The following CFTR variants were observed in gnomAD, a reference collection of about 807,000 sequenced individuals.
CFTR encodes the protein CF transmembrane conductance regulator.
A neutral mutation model predicts 171.6 loss-of-function variants in CFTR; 181 were observed. The ratio of observed to expected loss-of-function variants is 1.05; its 90% CI spans 0.93 to 1.19. The LOEUF (loss-of-function observed/expected upper bound fraction) is 1.19. CFTR is among the 50% of genes most tolerant of loss of function. The pLI, the probability that CFTR is intolerant of heterozygous loss-of-function variation, is 0.00. For synonymous variants in CFTR, 583 were observed against 608.0 expected (o/e 0.96, Z 0.60); for missense variants, 1,968 against 1,734.7 (o/e 1.13, Z -2.39).
chr7:117,492,409 T>A (rs1798174220), intron 1 of CFTR, among the ~76,000 whole-genome samples: 1 of 151,984 alleles, frequency 6.6e-6, no homozygotes, highest in African/African-American at 2.4e-5. Flanking sequence ...CAATACCTAT[T>A]TGCAATCAGT....
chr7:117,497,647 A>G (rs914830819), intron 1 of CFTR, among the ~76,000 whole-genome samples: 2 of 152,152 alleles, frequency 1.3e-5, no homozygotes. Context: ...GCATCAGGTG[A>G]CTGGGGATTC....
At chr7:117,496,156 A>AT (rs148934096) in intron 1 of CFTR, among the ~76,000 whole-genome samples, 19,292 of 151,568 alleles carry the variant, frequency 0.13, 1,327 homozygotes, top group African/African-American at 0.16. Flanking sequence ...TTCACTTAGC[A>AT]TTTTTTTTCA....
At chr7:117,543,899 T>G (rs1799097160) in intron 9 of CFTR, among the ~76,000 whole-genome samples, 1 of 152,226 alleles carries the variant, frequency 6.6e-6, no homozygotes, top group Non-Finnish European at 1.5e-5. Context: ...CTTTAAAAGC[T>G]TTCTCTCTTA....
chr7:117,524,811 C>T (rs1419963948), intron 3 of CFTR, among the ~76,000 whole-genome samples: 3 of 152,020 alleles, frequency 2.0e-5, no homozygotes, highest in African/African-American at 7.3e-5. Flanking sequence ...TTAGGCAGTG[C>T]TTAGAATAAA....
rs1279594912 is a variant in CFTR at position 117,642,420 on chromosome 7, A to G, written c.3718-18A>G. On this transcript the variant is annotated intron_variant, in intron 22 of 26. Transcript: ENST00000003084. ...ACCTATATGTCACAGAAGTGATCCC[A>G]TCACTTTTACCTTATAGGTGGGCCT... The G allele has an allele frequency of 2.5e-6, 4 of 1,611,010 alleles. No individual in the cohort carries two copies. The highest frequency in any genetic ancestry group is 3.4e-6 in the Non-Finnish European group (4 of 1,177,404).
At chr7:117,580,549 C>A (rs1791835135) in intron 11 of CFTR, among the ~76,000 whole-genome samples, 3 of 152,020 alleles carry the variant, frequency 2.0e-5, no homozygotes, top group African/African-American at 7.2e-5. Flanking sequence ...AAAATAAGAT[C>A]ACAAAATCAT....
At chr7:117,517,147 C>T (rs574621049) in intron 3 of CFTR, among the ~76,000 whole-genome samples, 21 of 152,044 alleles carry the variant, frequency 1.4e-4, no homozygotes, top group African/African-American at 3.6e-4. Flanking sequence ...AATGGCGGTT[C>T]GCTGCATCCA....
At chr7:117,638,411 C>G (rs566703303) in intron 22 of CFTR, among the ~76,000 whole-genome samples, 15 of 152,050 alleles carry the variant, frequency 9.9e-5, no homozygotes, top group African/African-American at 3.6e-4. Flanking sequence ...TAGCTTATAT[C>G]TACTTCTAGG....
intron 1 of CFTR, among the ~76,000 whole-genome samples, chr7:117,481,745 C>T (rs1001451972): frequency 6.6e-6 from 1 of 152,212 alleles, no homozygotes; most frequent in Non-Finnish European, 1.5e-5. Context: ...CCAATGATTA[C>T]AAACTTCCTT....
At chr7:117,606,250 A>G (rs1792298529) in intron 17 of CFTR, among the ~76,000 whole-genome samples, 1 of 152,144 alleles carries the variant, frequency 6.6e-6, no homozygotes, top group Non-Finnish European at 1.5e-5. Context: ...TCAAAAAGGT[A>G]TGGAAGTCAG....
intron 21 of CFTR, among the ~76,000 whole-genome samples, chr7:117,623,944 TC>T (rs1792616141): frequency 6.6e-6 from 1 of 152,088 alleles, no homozygotes; most frequent in South Asian, 2.1e-4. Context: ...GTGCAGGAAC[TC>T]CTTTGAAGGC....
At chr7:117,561,238 G>T (rs1799458762) in intron 11 of CFTR, among the ~76,000 whole-genome samples, 1 of 152,056 alleles carries the variant, frequency 6.6e-6, no homozygotes, top group Non-Finnish European at 1.5e-5. Context: ...TAATGAAGGA[G>T]TGTGTGGTAT....
At chr7:117,561,476 G>A (rs1799463126) in intron 11 of CFTR, among the ~76,000 whole-genome samples, 1 of 151,978 alleles carries the variant, frequency 6.6e-6, no homozygotes, top group Non-Finnish European at 1.5e-5. Flanking sequence ...TTGTAGCTAA[G>A]TCTCCCCCAT....
rs751537272 is a variant in CFTR at position 117,610,524 on chromosome 7, A to G, written c.2994A>G (p.Leu998=). 3.7e-6 allele frequency: 6 copies of G among 1,612,448 alleles called. No individual in the cohort carries two copies. Among genetic ancestry groups the G allele is most frequent in the Non-Finnish European group, 5.1e-6 (6 of 1,179,226 alleles). ...TGTTTTCTTTGATCTTACAGTTGTT[A>G]TTAATTGTGATTGGAGCTATAGCAG... ...PLTIFDFIQL[L]LIVIGAIAVV... is the part of the protein sequence containing the mutation. Residue 998 remains leucine, a synonymous_variant, in exon 19 of 27, where the codon TTA becomes TTG. Coordinates refer to ENST00000003084, the MANE Select transcript of CFTR (RefSeq NM_000492.4).
intron 3 of CFTR, among the ~76,000 whole-genome samples, chr7:117,513,790 C>T (rs1456918530): frequency 6.6e-6 from 1 of 152,016 alleles, no homozygotes; most frequent in Non-Finnish European, 1.5e-5. Context: ...TCTGTCTCAC[C>T]CCCTTATCTA....
rs575989053 is a variant in CFTR, at chr7:117,644,787, A to G, written c.3873+2194A>G. On this transcript the variant is annotated intron_variant, in intron 23 of 26. Coordinates refer to ENST00000003084, the MANE Select transcript of CFTR (RefSeq NM_000492.4). ...GCCAGCTTGGAAGACTATTGTGTAA[A>G]TTTCAAGGTGGAGCCTCCTTTAATT... Among the ~76,000 whole-genome samples, 58 of 152,160 alleles carry G rather than the reference A, an allele frequency of 3.8e-4. No individual in the cohort carries two copies. Among genetic ancestry groups the G allele is most frequent in the African/African-American group, 1.3e-3 (52 of 41,530 alleles).
chr7:117,560,425 T>C (rs1452093248), intron 11 of CFTR, among the ~76,000 whole-genome samples: 1 of 152,152 alleles, frequency 6.6e-6, no homozygotes, highest in Non-Finnish European at 1.5e-5. Flanking sequence ...CAAATAGTGT[T>C]TGTGATTCAA....
intron 15 of CFTR, among the ~76,000 whole-genome samples, chr7:117,601,340 A>T (rs2213958): frequency 0.32 from 48,532 of 151,920 alleles, 9,522 homozygotes; most frequent in African/African-American, 0.55. Context: ...TAGTTTTTAC[A>T]GATACAGTGC....
intron 21 of CFTR, among the ~76,000 whole-genome samples, chr7:117,619,414 A>T (rs1792539019): frequency 2.0e-5 from 3 of 152,230 alleles, no homozygotes; most frequent in Admixed American, 6.5e-5. Flanking sequence ...ACTCATAATC[A>T]CATTGTTGGA....
Sources: gnomAD v4.1 joint callset for allele counts (sites outside exome capture counted in the v4.1 genomes callset) on GRCh38, gnomAD v4.1.1 for gene constraint, MANE v1.5 for transcripts, NCBI Gene and HGNC (gene_info 2026-07-23, HGNC 2026-07-21) for gene names.